Variants in AGBL1 observed in about 807,000 individuals in gnomAD.
The protein encoded by AGBL1 is AGBL carboxypeptidase 1.
In AGBL1, 130 loss-of-function variants were observed where a neutral mutation model predicts 118.9. The ratio of observed to expected loss-of-function variants is 1.09; its 90% confidence interval spans 0.95 to 1.26. The LOEUF (loss-of-function observed/expected upper bound fraction) is 1.26, where lower values mean the gene tolerates loss of function less well. Among genes scored for constraint, AGBL1 ranks in the 50% most tolerant of loss-of-function variants. AGBL1 has a pLI of 0.00. For missense variants in AGBL1, 1,584 were observed against 1,298.1 expected (o/e 1.22, Z -3.38); for synonymous variants, 555 against 478.9 (o/e 1.16, Z -2.08).
chr15:86,228,154 G>A (rs781662939), intron 6 of AGBL1, among the ~76,000 whole-genome samples: 4 of 152,168 alleles, frequency 2.6e-5, no homozygotes, highest in Non-Finnish European at 5.9e-5. Context: ...TTTTCTATTT[G>A]CTTTACATTG....
rs143048592 is a variant in AGBL1, at chr15:86,679,508, G to A, written c.3158+5072G>A. ...TTTCTGTTTTTCTGGATAGAAAACA[G>A]TATCATTTATAATTTTTGACCATCA... is the stretch of plus-strand genomic sequence containing the variant. On this transcript the variant is annotated intron_variant, in intron 22 of 22. Coordinates refer to ENST00000614907, the MANE Select transcript of AGBL1 (RefSeq NM_001386094.1). Among the ~76,000 whole-genome samples, 981 of 152,104 alleles carry A rather than the reference G, an allele frequency of 6.4e-3. 8 individuals carry two copies. Among genetic ancestry groups the A allele is most frequent in the Non-Finnish European group, 0.011 (734 of 67,932 alleles).
Position 86,553,050 on chromosome 15 carries a change from C to A in AGBL1, c.2818-1311C>A, listed in dbSNP as rs1213113721. Among the ~76,000 whole-genome samples the A allele has an allele frequency of 3.3e-5, 5 of 152,106 alleles. No homozygotes were observed. The East Asian group carries it at 9.6e-4, about 29-fold the overall frequency. Reference sequence around the variant, plus strand: ...AATGTTCTAGAAATTAACAAAACTGCATCTCTTTAAAAACAATTCTTTCAT... The same window carrying A: ...AATGTTCTAGAAATTAACAAAACTGAATCTCTTTAAAAACAATTCTTTCAT... On this transcript the variant is annotated intron_variant, in intron 20 of 22. Transcript: ENST00000614907.
chr15:86,393,972 G>A (rs1052255381), intron 17 of AGBL1, among the ~76,000 whole-genome samples: 7 of 152,206 alleles, frequency 4.6e-5, no homozygotes, highest in South Asian at 2.1e-4. Context: ...AACAGAAGGC[G>A]GGGCCTCACC....
At chr15:86,927,053 C>A (rs968641856) in intron 23 of AGBL1, among the ~76,000 whole-genome samples, 1 of 151,786 alleles carries the variant, frequency 6.6e-6, no homozygotes, top group African/African-American at 2.4e-5. Context: ...GCAGGAGAAT[C>A]GCTTGAACCC....
chr15:86,080,983 T>A (rs1161490318), intron 1 of AGBL1, among the ~76,000 whole-genome samples: 7 of 152,112 alleles, frequency 4.6e-5, no homozygotes, highest in African/African-American at 1.4e-4. Flanking sequence ...AATATAAACA[T>A]TTTGTACGTA....
chr15:86,421,304 A>G (rs2081786778), intron 18 of AGBL1, among the ~76,000 whole-genome samples: 1 of 152,210 alleles, frequency 6.6e-6, no homozygotes, highest in Non-Finnish European at 1.5e-5. Context: ...TGGGGCCAAT[A>G]TTCAACATTC....
chr15:86,468,384 G>A (rs17674103), intron 18 of AGBL1, among the ~76,000 whole-genome samples: 55,581 of 151,996 alleles, frequency 0.37, 11,112 homozygotes, highest in Non-Finnish European at 0.46. Context: ...CCTAGAGAAT[G>A]AGGCTTGTTA....
In AGBL1 at chr15:86,264,749, C is replaced by T. The variant is rs1357231348; in HGVS notation, c.1578C>T (p.Asp526=). Residue 526 remains aspartate, a synonymous_variant, in exon 11 of 23, where the codon GAC becomes GAT. Coordinates refer to ENST00000614907, the MANE Select transcript of AGBL1 (RefSeq NM_001386094.1). ...CCAGAAGAACCAGCTCTGTGGTGGA[C>T]TTCAAGATGATGGCATTTCCTGATG... ...AKARRTSSVV[D]FKMMAFPDVW... is the part of the protein sequence containing the mutation. 2 of 1,613,932 alleles carry T rather than the reference C, an allele frequency of 1.2e-6. No homozygotes were observed. Among genetic ancestry groups the T allele is most frequent in the Admixed American group, 3.3e-5 (2 of 59,996 alleles).
intron 22 of AGBL1, among the ~76,000 whole-genome samples, chr15:86,837,408 G>A (rs999613722): frequency 6.6e-6 from 1 of 152,076 alleles, no homozygotes; most frequent in Non-Finnish European, 1.5e-5. Context: ...ACAGCCTCCA[G>A]GCCAAATTTG....
intron 22 of AGBL1, among the ~76,000 whole-genome samples, chr15:86,897,115 G>C (rs1366163088): frequency 6.6e-6 from 1 of 152,178 alleles, no homozygotes; most frequent in East Asian, 1.9e-4. Flanking sequence ...CTCCACAGTA[G>C]AGAACATTAA....
At chr15:86,130,936 A>G (rs545911591) in intron 1 of AGBL1, among the ~76,000 whole-genome samples, 2 of 152,278 alleles carry the variant, frequency 1.3e-5, no homozygotes, top group East Asian at 1.9e-4. Context: ...TGAAACCTCA[A>G]TTGGTCTGGA....
chr15:86,449,721 G>A (rs2082169674), intron 18 of AGBL1, among the ~76,000 whole-genome samples: 1 of 152,212 alleles, frequency 6.6e-6, no homozygotes, highest in Non-Finnish European at 1.5e-5. Context: ...CTAGGCAGCA[G>A]AATTCTGTTA....
chr15:86,088,680 G>A (rs1353574348), intron 1 of AGBL1, among the ~76,000 whole-genome samples: 3 of 152,136 alleles, frequency 2.0e-5, no homozygotes, highest in African/African-American at 7.2e-5. Flanking sequence ...GGAAACAGAT[G>A]GATTTGAAAT....
intron 22 of AGBL1, among the ~76,000 whole-genome samples, chr15:86,691,169 A>G (rs1057476030): frequency 2.6e-5 from 4 of 152,240 alleles, no homozygotes; most frequent in Non-Finnish European, 5.9e-5. Flanking sequence ...TGTGTGGTGT[A>G]TTCCTGGAGG....
chr15:86,681,403 C>T (rs993461166), intron 22 of AGBL1, among the ~76,000 whole-genome samples: 2 of 152,026 alleles, frequency 1.3e-5, no homozygotes, highest in African/African-American at 2.4e-5. Flanking sequence ...ATTTATCGTC[C>T]CATAGATTCC....
Position 86,853,138 on chromosome 15 carries a change from C to T in AGBL1, c.3159-53949C>T, listed in dbSNP as rs140082185. The stretch of plus-strand genomic sequence containing the variant: ...AAGGCATCAGAATTCTGACAACTCC[C>T]CAGATGACCAGTCAAGTTTTAGAAT... On this transcript the variant is annotated intron_variant, in intron 22 of 22. Transcript: ENST00000614907. Among the ~76,000 whole-genome samples, 20 of 152,256 alleles carry T rather than the reference C, an allele frequency of 1.3e-4. No homozygotes were observed. In the East Asian group the frequency reaches 3.1e-3, roughly 24 times the overall value.
intron 17 of AGBL1, among the ~76,000 whole-genome samples, chr15:86,377,742 G>A (rs1433930723): frequency 6.6e-6 from 1 of 152,132 alleles, no homozygotes; most frequent in East Asian, 1.9e-4. Context: ...ATGCTCACTA[G>A]GTCCAGGAGC....
chr15:86,534,886 G>A (rs1374801588), intron 19 of AGBL1, among the ~76,000 whole-genome samples: 3 of 152,122 alleles, frequency 2.0e-5, no homozygotes, highest in African/African-American at 7.2e-5. Flanking sequence ...TGCCTCTGAG[G>A]AAGAGCATTG....
intron 22 of AGBL1, among the ~76,000 whole-genome samples, chr15:86,831,440 T>C (rs1253911855): frequency 1.3e-5 from 2 of 152,216 alleles, no homozygotes; most frequent in Non-Finnish European, 2.9e-5. Flanking sequence ...AGTTAGTTAC[T>C]TCCTAGATAC....
Sources: allele counts gnomAD v4.1 joint callset (sites outside exome capture counted in the v4.1 genomes callset), GRCh38; gene constraint gnomAD v4.1.1; transcripts MANE v1.5; gene names NCBI Gene and HGNC (gene_info 2026-07-23, HGNC 2026-07-21).